Variants in TEPSIN observed in about 807,000 individuals in gnomAD.
The protein encoded by TEPSIN is TEPSIN adaptor related protein complex 4 accessory protein.
A neutral mutation model predicts 48.5 loss-of-function variants in TEPSIN; 50 were observed. The ratio of observed to expected loss-of-function variants is 1.03; its 90% CI spans 0.82 to 1.31. The LOEUF is 1.31. TEPSIN is among the 50% of genes most tolerant of loss of function. TEPSIN has a pLI of 0.00. For missense variants in TEPSIN, 838 were observed against 815.9 expected, an observed-to-expected ratio of 1.03 and a Z score of -0.33; for synonymous variants, 392 against 358.8, an observed-to-expected ratio of 1.09 and a Z score of -1.05.
Position 81,230,508 on chromosome 17 carries a change from G to T in TEPSIN, c.1233+36C>A. On this transcript the variant is annotated intron_variant, in intron 12 of 12. Coordinates refer to ENST00000637944, the MANE Select transcript of TEPSIN (RefSeq NM_001363764.2). This position sits in a 1 kb window ranked among gnomAD's most constrained non-coding sequence, Gnocchi z 4.2. ...CAGCGTATCTCCCACTGTACCCTTG[G>T]ACCCCGGTGTGCGTGTGGCCTCCGC... is the stretch of plus-strand genomic sequence containing the variant. 6.2e-7 allele frequency: 1 copy of T among 1,607,284 alleles called. No individual in the cohort carries two copies. The highest frequency in any genetic ancestry group is 8.5e-7 in the Non-Finnish European group (1 of 1,178,314).
In TEPSIN at chr17:81,231,711, G is replaced by A; in HGVS notation, c.906-20C>T. Reference sequence around the variant, plus strand: ...TCGACCCTGCCAGGGGGAATGGCCGGGTCAAGGGTGAGTGGAGGCCATGCC... The same window carrying A: ...TCGACCCTGCCAGGGGGAATGGCCGAGTCAAGGGTGAGTGGAGGCCATGCC... On this transcript the variant is annotated intron_variant, in intron 9 of 12. Transcript: ENST00000637944. 1.2e-6 allele frequency: 2 copies of A among 1,610,268 alleles called. No individual in the cohort carries two copies. The highest frequency in any genetic ancestry group is 1.7e-4 in the Middle Eastern group (1 of 6,006).
At chr17:81,231,240 C>T in intron 11 of TEPSIN, 158 bp downstream of exon 11, 1 of 725,428 alleles carries the variant, frequency 1.4e-6, no homozygotes, top group Non-Finnish European at 2.2e-6. Flanking sequence ...TACACACCCA[C>T]ACGCACACAC....
chr17:81,238,464 G>A (rs2062765985), intron 1 of TEPSIN: 1 of 373,610 alleles, frequency 2.7e-6, no homozygotes, highest in South Asian at 1.1e-4. Context: ...CGACACCTGG[G>A]AACTCGCCCC....
At position 81,234,636 on chromosome 17, in the gene TEPSIN, G is replaced by A. The variant is rs569969226; in HGVS notation, c.308-588C>T. Reference sequence around the variant, plus strand: ...CCCCTCGAGAGCCTCTGTCACAGGCGAATCCACTCACGCCCCTCGGCCGTC... The same window carrying A: ...CCCCTCGAGAGCCTCTGTCACAGGCAAATCCACTCACGCCCCTCGGCCGTC... On this transcript the variant is annotated intron_variant, in intron 4 of 12. Transcript: ENST00000637944. The surrounding 1 kb of genome is among the most constrained non-coding windows in gnomAD (Gnocchi z 5.4). 1.3e-5 allele frequency among the ~76,000 whole-genome samples: 2 copies of A among 152,068 alleles called. No individual in the cohort carries two copies. Among genetic ancestry groups the A allele is most frequent in the Admixed American group, 6.5e-5 (1 of 15,270 alleles).
chr17:81,231,529 G>C (rs766162493), intron 10 of TEPSIN, 49 bp downstream of exon 10: 11 of 1,584,554 alleles, frequency 6.9e-6, no homozygotes, highest in South Asian at 5.7e-5. Context: ...CTCCTCCCTC[G>C]CCCACGGTTG....
chr17:81,231,237 C>CCACACGCACACACACAGGCATGTG, intron 11 of TEPSIN, 161 bp downstream of exon 11: 1 of 714,598 alleles, frequency 1.4e-6, no homozygotes, highest in Non-Finnish European at 2.3e-6. Flanking sequence ...GCATACACAC[C>CCACACGCACACACACAGGCATGTG]CACACGCACA....
Position 81,231,473 on chromosome 17 carries a change from A to C in TEPSIN, c.1023T>G (p.Cys341Trp). ...GCACGGCCTCACAGTTGAGCAGTCCACACCTGCACAGAGGGGACACCTGGG... is the reference window on the plus strand; with the variant it reads ...GCACGGCCTCACAGTTGAGCAGTCCCCACCTGCACAGAGGGGACACCTGGG... ...REEAQHFIKACGLLNCEAVLQ... is the reference protein window; with the variant it reads ...REEAQHFIKAWGLLNCEAVLQ... Residue 341 changes from cysteine to tryptophan, a missense_variant, in exon 11 of 13, where the codon TGT (cysteine) becomes TGG (tryptophan). By Grantham distance (215) the Cys-to-Trp change is radical (BLOSUM62 -2). Coordinates refer to ENST00000637944, the MANE Select transcript of TEPSIN (RefSeq NM_001363764.2). 1 of 1,568,840 alleles carries C rather than the reference A, an allele frequency of 6.4e-7. No individual in the cohort carries two copies. Among genetic ancestry groups the C allele is most frequent in the Non-Finnish European group, 8.6e-7 (1 of 1,156,824 alleles).
Position 81,236,784 on chromosome 17 carries a change from G to C in TEPSIN, c.231C>G (p.Leu77=). Residue 77 remains leucine (L), a synonymous_variant, in exon 4 of 13, where the codon CTC becomes CTG. Transcript: ENST00000637944. ...HGKLKVLKIL[L]YLCSHGSSFF... Reference sequence around the variant, plus strand: ...AGGAGGAGCCGTGGCTGCACAGATAGAGCAGGATCTTCAGCACCTGGGGAG... The same window carrying C: ...AGGAGGAGCCGTGGCTGCACAGATACAGCAGGATCTTCAGCACCTGGGGAG... 1.3e-6 allele frequency: 2 copies of C among 1,568,670 alleles called. No individual in the cohort carries two copies. Among genetic ancestry groups the C allele is most frequent in the Non-Finnish European group, 1.7e-6 (2 of 1,157,584 alleles).
At chr17:81,237,609 GC>G in intron 1 of TEPSIN, 150 bp from the exon 2 acceptor site, 1 of 792,410 alleles carries the variant, frequency 1.3e-6, no homozygotes, top group Non-Finnish European at 2.0e-6. Context: ...TGTGCTACTG[GC>G]CACAGGGAGG....
chr17:81,235,226 C>A (rs2062699581), intron 4 of TEPSIN, among the ~76,000 whole-genome samples: 1 of 152,248 alleles, frequency 6.6e-6, no homozygotes, highest in South Asian at 2.1e-4. Context: ...CTCCTGACCG[C>A]AATCGGCTGG....
In TEPSIN at chr17:81,228,891, C is replaced by T; in HGVS notation, c.*37G>A. 1 of 1,609,348 alleles carries T rather than the reference C, an allele frequency of 6.2e-7. No individual in the cohort carries two copies. Among genetic ancestry groups the T allele is most frequent in the Non-Finnish European group, 8.5e-7 (1 of 1,178,934 alleles). The stretch of plus-strand genomic sequence containing the variant: ...AGGAAGCACAGACCGCCCCAGACAG[C>T]AGCTGAAGCTGAAGACTCCAGGGCC... On this transcript the variant is annotated 3_prime_UTR_variant, in exon 13 of 13. Coordinates refer to ENST00000637944, the MANE Select transcript of TEPSIN (RefSeq NM_001363764.2).
In TEPSIN at chr17:81,233,931, C is replaced by T. The variant is rs1013607238; in HGVS notation, c.375+50G>A. On this transcript the variant is annotated intron_variant, in intron 5 of 12. Transcript: ENST00000637944. The surrounding 1 kb of genome is among the most constrained non-coding windows in gnomAD (Gnocchi z 5.8). ...TGACATCCTGGCCCCAATCCCACCC[C>T]TCTACAGGAGGAGGGGCACCCCGCA... 1.3e-6 allele frequency: 2 copies of T among 1,564,592 alleles called. No homozygotes were observed. The highest frequency in any genetic ancestry group is 2.1e-5 in the Admixed American group (1 of 47,424).
At chr17:81,238,271 G>T in intron 1 of TEPSIN, 5 of 684,298 alleles carry the variant, frequency 7.3e-6, no homozygotes, top group Non-Finnish European at 9.0e-6. Context: ...AGGTTTGCAG[G>T]TGACAGCTGA....
rs563212920 is a variant in TEPSIN at position 81,231,944 on chromosome 17, G to C, written c.808C>G (p.Gln270Glu). 23 of 1,613,566 alleles carry C rather than the reference G, an allele frequency of 1.4e-5. No homozygotes were observed. The South Asian group carries it at 2.5e-4, about 18-fold the overall frequency. The change falls in exon 9 of 13, where the codon CAG (glutamine) becomes GAG (glutamate). Residue 270 changes from glutamine to glutamate, a missense_variant. Gln to Glu is a conservative substitution (Grantham distance 29). Coordinates refer to ENST00000637944, the MANE Select transcript of TEPSIN (RefSeq NM_001363764.2). Reference protein sequence around the residue: ...DSGPSSQNSSQNSDLSRVSDS... With the variant: ...DSGPSSQNSSENSDLSRVSDS... ...GAGACCCTGCTCAGGTCGCTGTTCTGGGAGGAATTCTGAGAGCTGGGGCCG... is the reference window on the plus strand; with the variant it reads ...GAGACCCTGCTCAGGTCGCTGTTCTCGGAGGAATTCTGAGAGCTGGGGCCG...
chr17:81,231,201 GTACACACACAGGCA>G lies in TEPSIN; in HGVS notation c.1098+183_1098+196del, dbSNP rs2062595773. On this transcript the variant is annotated intron_variant, in intron 11 of 12. Coordinates refer to ENST00000637944, the MANE Select transcript of TEPSIN (RefSeq NM_001363764.2). ...ACACACCGCACACATGCACGAGTGTGTACACACACAGGCATACATACACAGGCATACACACCCAC... is the reference window on the plus strand; with the variant it reads ...ACACACCGCACACATGCACGAGTGTGTACATACACAGGCATACACACCCAC... The G allele has an allele frequency of 1.6e-5, 10 of 613,408 alleles. No individual in the cohort carries two copies. The South Asian group carries it at 2.0e-4, about 12-fold the overall frequency. 38.0% of individuals were successfully genotyped at this position (613,408 alleles called of 1,614,324 possible).
intron 1 of TEPSIN, 73 bp downstream of exon 1, chr17:81,238,913 G>A (rs1323788992): frequency 2.2e-6 from 3 of 1,388,532 alleles, no homozygotes; most frequent in Non-Finnish European, 1.9e-6. Context: ...GCTCCGGCCC[G>A]GGGCGAGTCC....
intron 8 of TEPSIN, 47 bp downstream of exon 8, chr17:81,232,268 G>A (rs143585715): frequency 0.011 from 16,577 of 1,470,308 alleles, 132 homozygotes; most frequent in Middle Eastern, 0.029. Flanking sequence ...AGCGGTGACA[G>A]GAAGGAGTGA....
intron 1 of TEPSIN, chr17:81,238,152 G>A: frequency 1.0e-6 from 1 of 985,774 alleles, no homozygotes; most frequent in Non-Finnish European, 1.2e-6. Context: ...GGTCGGAAGG[G>A]CCGAGATCTA....
Position 81,230,856 on chromosome 17 carries a change from CA to C in TEPSIN, c.1099-179del. The stretch of plus-strand genomic sequence containing the variant: ...ACCGCCTTACACCCCGGATCCCAGA[CA>C]CCACAGCCCTGTCCTCACCACCTTA... On this transcript the variant is annotated intron_variant, in intron 11 of 12. Coordinates refer to ENST00000637944, the MANE Select transcript of TEPSIN (RefSeq NM_001363764.2). This position sits in a 1 kb window ranked among gnomAD's most constrained non-coding sequence, Gnocchi z 4.2. 2 of 782,536 alleles carry C rather than the reference CA, an allele frequency of 2.6e-6. No homozygotes were observed. The highest frequency in any genetic ancestry group is 1.9e-6 in the Non-Finnish European group (1 of 520,072). The allele number at this position is 782,536 out of a possible 1,614,324, so 48.5% of individuals were successfully genotyped here. A position where few individuals can be genotyped will look rare whatever the true frequency, so the allele number is the denominator to read the frequency against.
Sources: gnomAD v4.1 joint callset for allele counts (sites outside exome capture counted in the v4.1 genomes callset) on GRCh38, gnomAD v4.1.1 for gene constraint, Gnocchi (gnomAD v3.1) non-coding constraint, MANE v1.5 for transcripts, NCBI Gene and HGNC (gene_info 2026-07-23, HGNC 2026-07-21) for gene names.